Variants in FUNDC2 observed in about 807,000 individuals in gnomAD.
FUNDC2 encodes the protein FUN14 domain containing 2.
Under a neutral mutation model 15.6 loss-of-function variants are expected in FUNDC2, and 4 were observed. That is an observed-to-expected ratio of 0.26 (90% CI 0.13 to 0.59). The LOEUF is 0.59. FUNDC2 is among the 20% of genes least tolerant of loss of function. The pLI is 0.90. For missense variants in FUNDC2, 98 were observed against 149.7 expected, an observed-to-expected ratio of 0.65 and a Z score of 1.80; for synonymous variants, 44 against 56.9, an observed-to-expected ratio of 0.77 and a Z score of 1.02.
chrX:155,042,077 AAAAAAAAAAG>A (rs2073848299), intron 2 of FUNDC2, among the ~76,000 whole-genome samples: 1 of 106,315 alleles, frequency 9.4e-6, no homozygotes, highest in Admixed American at 1.0e-4. Flanking sequence ...TCAAAAAAAA[AAAAAAAAAAG>A]AAAAAAAAGA....
chrX:155,041,941 C>T (rs1229764047), intron 2 of FUNDC2, among the ~76,000 whole-genome samples: 4 of 106,598 alleles, frequency 3.8e-5, no homozygotes, highest in African/African-American at 6.8e-5. Flanking sequence ...TGGTGGCGGG[C>T]GCCTGTAGTC....
rs1163836507 is a variant in FUNDC2, at chrX:155,056,521, C to G, written c.*1849C>G. ...GTCTCTTAACCTTATAGATCCTCCT[C>G]TATTTTTTTTTTTTTGCTTGCTATA... is the stretch of plus-strand genomic sequence containing the variant. On this transcript the variant is annotated 3_prime_UTR_variant, in exon 5 of 5. Transcript: ENST00000369498. 9 of 91,308 alleles carry G rather than the reference C, an allele frequency of 9.9e-5. No homozygotes were observed. Among genetic ancestry groups the G allele is most frequent in the Admixed American group, 2.4e-4 (2 of 8,220 alleles). The allele number at this position is 91,308 out of a possible 1,213,427, so 7.5% of individuals were successfully genotyped here.
chrX:155,042,113 CTTTACCATTTGTTTTAAGCAGTTTGTTTA>C (rs1557289630), intron 2 of FUNDC2, among the ~76,000 whole-genome samples: 1 of 97,918 alleles, frequency 1.0e-5, no homozygotes, highest in African/African-American at 3.7e-5. Context: ...AAGATTTCCT[CTTTACCATTTGTTTTAAGCAGTTTGTTTA>C]TGTTGTACCT....
intron 1 of FUNDC2, among the ~76,000 whole-genome samples, chrX:155,032,190 G>C (rs781940310): frequency 9.1e-6 from 1 of 110,071 alleles, no homozygotes; most frequent in South Asian, 3.8e-4. Flanking sequence ...TGGCCAGGCT[G>C]GCCTCAAACT....
In FUNDC2 at chrX:155,039,282, A is replaced by G. The variant is rs782305733; in HGVS notation, c.284+5729A>G. Reference sequence around the variant, plus strand: ...CTCTTATCAGATATATGCTTTGCAAATATTTTCTCCCATTCTTTAGGTTGT... The same window carrying G: ...CTCTTATCAGATATATGCTTTGCAAGTATTTTCTCCCATTCTTTAGGTTGT... On this transcript the variant is annotated intron_variant, in intron 2 of 4. Transcript: ENST00000369498. 2.6e-4 allele frequency among the ~76,000 whole-genome samples: 29 copies of G among 112,161 alleles called. No homozygotes were observed. In the South Asian group the frequency reaches 0.011, roughly 41 times the overall value.
At chrX:155,027,103 CG>C in intron 1 of FUNDC2, 32 bp downstream of exon 1, 1 of 1,083,898 alleles carries the variant, frequency 9.2e-7, no homozygotes, top group Non-Finnish European at 1.2e-6. Context: ...GCCGGCGCCG[CG>C]GGGAGCCGCC....
intron 2 of FUNDC2, among the ~76,000 whole-genome samples, chrX:155,042,337 C>T (rs2073850467): frequency 9.4e-6 from 1 of 106,848 alleles, no homozygotes; most frequent in Admixed American, 1.0e-4. Context: ...CAGGTGTGCA[C>T]CACCGCACCT....
intron 1 of FUNDC2, among the ~76,000 whole-genome samples, chrX:155,029,512 G>C (rs781905562): frequency 9.0e-6 from 1 of 110,803 alleles, no homozygotes; most frequent in African/African-American, 3.3e-5. Flanking sequence ...CCAGCACTTT[G>C]GGAGGCTGAG....
rs782041750 is a variant in FUNDC2, at chrX:155,058,341, T to G, written c.*3669T>G. On this transcript the variant is annotated 3_prime_UTR_variant, in exon 5 of 5. Transcript: ENST00000369498. ...TAGTTAACAACTATTGTGGTAAGAA[T>G]AGTCTCTCCATCATTCTTTTGTTTC... The G allele has an allele frequency of 1.3e-4, 15 of 112,105 alleles. No individual in the cohort carries two copies. The highest frequency in any genetic ancestry group is 3.8e-5 in the Non-Finnish European group (2 of 53,213). The allele number at this position is 112,105 out of a possible 1,213,427, so 9.2% of individuals were successfully genotyped here.
intron 2 of FUNDC2, among the ~76,000 whole-genome samples, chrX:155,035,929 G>A (rs1023527957): frequency 8.2e-5 from 9 of 109,928 alleles, no homozygotes. Context: ...GGACATTTGA[G>A]TTTTTTTTTC....
At chrX:155,028,722 C>G (rs2073804580) in intron 1 of FUNDC2, among the ~76,000 whole-genome samples, 1 of 111,629 alleles carries the variant, frequency 9.0e-6, no homozygotes, top group Non-Finnish European at 1.9e-5. Context: ...TATTAAAAAT[C>G]AAATGACTAT....
intron 2 of FUNDC2, among the ~76,000 whole-genome samples, chrX:155,045,594 T>C (rs1257551386): frequency 1.8e-5 from 2 of 111,924 alleles, no homozygotes; most frequent in Non-Finnish European, 3.8e-5. Flanking sequence ...TCAAGATCAG[T>C]GGTAACCTTG....
At chrX:155,042,080 AAAAAAAG>A (rs2073848386) in intron 2 of FUNDC2, among the ~76,000 whole-genome samples, 1 of 105,732 alleles carries the variant, frequency 9.5e-6, no homozygotes. Context: ...AAAAAAAAAA[AAAAAAAG>A]AAAAAAAAGA....
chrX:155,047,531 C>G (rs1557290141), intron 3 of FUNDC2: 20 of 315,929 alleles, frequency 6.3e-5, no homozygotes, highest in Non-Finnish European at 1.3e-4. Flanking sequence ...TTCCCCCAAA[C>G]CTAATGGCTT....
intron 1 of FUNDC2, among the ~76,000 whole-genome samples, chrX:155,029,708 T>A (rs1301076840): frequency 9.6e-6 from 1 of 104,090 alleles, no homozygotes; most frequent in Non-Finnish European, 1.9e-5. Flanking sequence ...TGAGCCGAGA[T>A]TGTCATTGCA....
Position 155,055,641 on chromosome X carries a change from C to T in FUNDC2, c.*969C>T, listed in dbSNP as rs895185214. The stretch of plus-strand genomic sequence containing the variant: ...AAAAGCTTACACACACACACACACA[C>T]GGGCACACACGCACACACAGAATCT... On this transcript the variant is annotated 3_prime_UTR_variant, in exon 5 of 5. Transcript: ENST00000369498. The T allele has an allele frequency of 5.3e-5, 9 of 168,879 alleles. No individual in the cohort carries two copies. The highest frequency in any genetic ancestry group is 9.1e-5 in the African/African-American group (3 of 33,003). 13.9% of individuals were successfully genotyped at this position (168,879 alleles called of 1,213,427 possible).
chrX:155,037,992 C>T (rs782813875), intron 2 of FUNDC2, among the ~76,000 whole-genome samples: 7 of 109,328 alleles, frequency 6.4e-5, no homozygotes, highest in South Asian at 8.1e-4. Context: ...TTTGGGAGGC[C>T]GAGGCAGGTG....
At chrX:155,027,190 G>T (rs980504150) in intron 1 of FUNDC2, 119 bp downstream of exon 1, 61 of 815,709 alleles carry the variant, frequency 7.5e-5, no homozygotes, top group Non-Finnish European at 2.5e-5. Context: ...CAAGCGGCGC[G>T]GGGACGGGGA....
chrX:155,032,604 A>G lies in FUNDC2; in HGVS notation c.134-799A>G, dbSNP rs150769980. The stretch of plus-strand genomic sequence containing the variant: ...CATTTCTTAATTATAAAATTGAGTT[A>G]ATAAGTAGTACCTACCTTATTCTGT... On this transcript the variant is annotated intron_variant, in intron 1 of 4. Transcript: ENST00000369498. Among the ~76,000 whole-genome samples the G allele has an allele frequency of 5.3e-3, 589 of 110,717 alleles. 6 individuals are homozygous for G. Among genetic ancestry groups the G allele is most frequent in the African/African-American group, 0.019 (565 of 30,370 alleles).
Sources: gnomAD v4.1 joint callset for allele counts (sites outside exome capture counted in the v4.1 genomes callset) on GRCh38, gnomAD v4.1.1 for gene constraint, MANE v1.5 for transcripts, NCBI Gene and HGNC (gene_info 2026-07-23, HGNC 2026-07-21) for gene names.